The following ARV1 variants were observed in gnomAD, a reference collection of about 807,000 sequenced individuals.
The protein encoded by ARV1 is protein ARV1.
ARV1 carries 26 observed loss-of-function variants against 31.1 expected under a neutral mutation model. The observed-to-expected ratio is 0.84, with a 90% CI of 0.61 to 1.16. The LOEUF (loss-of-function observed/expected upper bound fraction) is 1.16, where lower values mean the gene tolerates loss of function less well. ARV1 is among the 50% of genes most tolerant of loss of function. ARV1 has a pLI of 0.00. For synonymous variants in ARV1, 117 were observed against 123.2 expected, an observed-to-expected ratio of 0.95 and a Z score of 0.34; for missense variants, 281 against 324.9, an observed-to-expected ratio of 0.86 and a Z score of 1.04.
intron 1 of ARV1, among the ~76,000 whole-genome samples, chr1:230,983,169 C>T (rs1285352381): frequency 6.6e-6 from 1 of 152,130 alleles, no homozygotes; most frequent in Non-Finnish European, 1.5e-5. Context: ...AATCCCAGTA[C>T]TTTGGGAGGC....
In ARV1 at chr1:230,995,750, T is replaced by A; in HGVS notation, c.449-10T>A. ...GACATTCATACTTTTATTTTCCATT[T>A]CTTCTTTAGAACAAACTGCCTATTT... On this transcript the variant is annotated splice_polypyrimidine_tract_variant and intron_variant, in intron 3 of 5. Transcript: ENST00000310256. The A allele has an allele frequency of 6.2e-7, 1 of 1,600,816 alleles. No individual in the cohort carries two copies.
Position 230,997,378 on chromosome 1 carries a change from A to G in ARV1, c.*4+111A>G, listed in dbSNP as rs1293330109. On this transcript the variant is annotated intron_variant, in intron 5 of 5. Coordinates refer to ENST00000310256, the MANE Select transcript of ARV1 (RefSeq NM_022786.3). ...TTACATAACCCATTCTCTAGCGTCTAACTGCCTCTAGGTCACCCTCATCTT... is the reference window on the plus strand; with the variant it reads ...TTACATAACCCATTCTCTAGCGTCTGACTGCCTCTAGGTCACCCTCATCTT... 3.1e-6 allele frequency: 4 copies of G among 1,303,402 alleles called. No homozygotes were observed. The Admixed American group carries it at 7.9e-5, about 26-fold the overall frequency. 80.7% of individuals were successfully genotyped at this position (1,303,402 alleles called of 1,614,324 possible).
chr1:230,989,833 C>T (rs1470674229), intron 2 of ARV1, among the ~76,000 whole-genome samples: 1 of 152,212 alleles, frequency 6.6e-6, no homozygotes, highest in African/African-American at 2.4e-5. Context: ...CCCCCCAGAA[C>T]TGTTTCAAAG....
At chr1:230,984,577 C>T (rs973336154) in intron 1 of ARV1, among the ~76,000 whole-genome samples, 2 of 151,954 alleles carry the variant, frequency 1.3e-5, no homozygotes, top group African/African-American at 2.4e-5. Context: ...TTTATTAAGC[C>T]GGCGGCCAAA....
intron 2 of ARV1, among the ~76,000 whole-genome samples, chr1:230,989,076 T>A (rs188067850): frequency 2.0e-5 from 3 of 152,226 alleles, no homozygotes; most frequent in Admixed American, 6.5e-5. Context: ...AACATACTTA[T>A]ACAATAAAAA....
At chr1:230,996,067 A>G (rs1679357212) in intron 4 of ARV1, 83 bp downstream of exon 4, 5 of 1,132,224 alleles carry the variant, frequency 4.4e-6, no homozygotes, top group Non-Finnish European at 6.4e-6. Flanking sequence ...CAGTTTTTAT[A>G]TAACCTGTTG....
At chr1:230,984,361 T>TGTGTGTGTGTGTGTGTGC (rs10628275) in intron 1 of ARV1, among the ~76,000 whole-genome samples, 3 of 103,338 alleles carry the variant, frequency 2.9e-5, no homozygotes, top group African/African-American at 1.4e-4. Flanking sequence ...TGTGTGTGTG[T>TGTGTGTGTGTGTGTGTGC]GCGTGTGTGT....
At chr1:230,987,839 C>G (rs895329074) in intron 1 of ARV1, among the ~76,000 whole-genome samples, 15 of 152,220 alleles carry the variant, frequency 9.9e-5, no homozygotes, top group Admixed American at 2.6e-4. Context: ...CTCAGTAGTT[C>G]TGGGGACAAG....
At chr1:230,993,746 TTAGCTGGGCATGGTGGCATGTGCCTG>T (rs1679291152) in intron 3 of ARV1, among the ~76,000 whole-genome samples, 1 of 151,996 alleles carries the variant, frequency 6.6e-6, no homozygotes, top group Admixed American at 6.6e-5. Context: ...AATACAAAAA[TTAGCTGGGCATGGTGGCATGTGCCTG>T]TAGTCCTAGC....
intron 1 of ARV1, among the ~76,000 whole-genome samples, chr1:230,986,712 A>T (rs1172888758): frequency 2.1e-5 from 2 of 96,772 alleles, no homozygotes; most frequent in African/African-American, 7.9e-5. Context: ...TTTTTGAGAG[A>T]GAGAGACCGA....
intron 3 of ARV1, 123 bp from the exon 4 acceptor site, chr1:230,995,637 T>C (rs1679338850): frequency 2.8e-6 from 2 of 714,706 alleles, no homozygotes; most frequent in Non-Finnish European, 4.4e-6. Flanking sequence ...ATTGTGATCT[T>C]GAGAAAGTAT....
At chr1:230,995,387 G>A (rs1679331140) in intron 3 of ARV1, among the ~76,000 whole-genome samples, 1 of 152,164 alleles carries the variant, frequency 6.6e-6, no homozygotes. Flanking sequence ...CCATCTTTCA[G>A]ACTGAAAAGC....
At chr1:230,981,824 G>T (rs150137339) in intron 1 of ARV1, among the ~76,000 whole-genome samples, 1 of 152,058 alleles carries the variant, frequency 6.6e-6, no homozygotes, top group African/African-American at 2.4e-5. Flanking sequence ...CGGCAGTCCC[G>T]CTGGCATCCT....
At chr1:230,986,895 A>G (rs573883645) in intron 1 of ARV1, among the ~76,000 whole-genome samples, 4 of 152,172 alleles carry the variant, frequency 2.6e-5, no homozygotes, top group African/African-American at 9.6e-5. Flanking sequence ...GCAGTTTGAA[A>G]TGCCACAGCA....
intron 1 of ARV1, among the ~76,000 whole-genome samples, chr1:230,984,363 C>CGCGCGTGCGTGT (rs1191353620): frequency 1.7e-4 from 22 of 129,840 alleles, no homozygotes; most frequent in African/African-American, 5.4e-4. Flanking sequence ...TGTGTGTGTG[C>CGCGCGTGCGTGT]GTGTGTGTGT....
At chr1:230,998,936 C>G (rs1195943787) in intron 5 of ARV1, among the ~76,000 whole-genome samples, 1 of 152,022 alleles carries the variant, frequency 6.6e-6, no homozygotes, top group Non-Finnish European at 1.5e-5. Flanking sequence ...CACAAGGAAG[C>G]CAATTCCTCC....
rs1679483645 is a variant in ARV1 at position 231,000,145 on chromosome 1, C to T, written c.*12C>T. ...ATCCTTTATTTTTCACAGTTTTATT[C>T]TTCTTCACTATCTGTGGCATGACCA... is the stretch of plus-strand genomic sequence containing the variant. On this transcript the variant is annotated 3_prime_UTR_variant, in exon 6 of 6. Transcript: ENST00000310256. The T allele has an allele frequency of 6.6e-6, 1 of 152,164 alleles. No individual in the cohort carries two copies. The highest frequency in any genetic ancestry group is 1.5e-5 in the Non-Finnish European group (1 of 68,024). 9.4% of individuals were successfully genotyped at this position (152,164 alleles called of 1,614,324 possible).
chr1:230,994,540 ATT>A (rs34618657), intron 3 of ARV1, among the ~76,000 whole-genome samples: 30 of 134,034 alleles, frequency 2.2e-4, no homozygotes, highest in South Asian at 2.4e-4. Flanking sequence ...AACCATCCTA[ATT>A]TTTTTTTTTT....
At chr1:230,990,416 G>A (rs554353181) in intron 3 of ARV1, among the ~76,000 whole-genome samples, 153 bp downstream of exon 3, 3 of 152,190 alleles carry the variant, frequency 2.0e-5, no homozygotes, top group Non-Finnish European at 2.9e-5. Context: ...ACTAACCTAC[G>A]AGGTGAGTGT....
Sources: allele counts gnomAD v4.1 joint callset (sites outside exome capture counted in the v4.1 genomes callset), GRCh38; gene constraint gnomAD v4.1.1; transcripts MANE v1.5; gene names NCBI Gene and HGNC (gene_info 2026-07-23, HGNC 2026-07-21).